Variants in TPRA1 observed in about 807,000 individuals in gnomAD.
TPRA1 encodes the protein transmembrane protein adipocyte-associated 1.
Under a neutral mutation model 40.1 loss-of-function variants are expected in TPRA1, and 28 were observed. The ratio of observed to expected loss-of-function variants is 0.70; its 90% confidence interval spans 0.52 to 0.96. The LOEUF (loss-of-function observed/expected upper bound fraction) is 0.96. Ranked by LOEUF, TPRA1 falls within the 40% of genes least tolerant of loss-of-function variation. The probability of loss-of-function intolerance (pLI) is 0.00; values close to 1 mark genes in which losing one functional copy is unlikely to be tolerated. For missense variants in TPRA1, 441 were observed against 482.6 expected, an observed-to-expected ratio of 0.91 and a Z score of 0.81; for synonymous variants, 219 against 209.7, an observed-to-expected ratio of 1.04 and a Z score of -0.38.
At chr3:127,594,822 G>C (rs2074226033), upstream of TPRA1, 1 of 152,344 alleles carries the variant, frequency 6.6e-6, no homozygotes, top group Non-Finnish European at 1.5e-5. Context: ...CGGTCGCATG[G>C]AGCCCTTGAG....
chr3:127,577,354 G>T (rs940674306), intron 3 of TPRA1, among the ~76,000 whole-genome samples: 30 of 152,212 alleles, frequency 2.0e-4, no homozygotes, highest in African/African-American at 7.2e-4. Context: ...TGGTGAGCAG[G>T]AGTGCGCATG....
intron 3 of TPRA1, among the ~76,000 whole-genome samples, chr3:127,578,579 G>A (rs1172959236): frequency 1.3e-5 from 2 of 152,220 alleles, no homozygotes; most frequent in East Asian, 1.9e-4. Flanking sequence ...CTAGCATACA[G>A]TAGGTGTTTA....
chr3:127,579,558 G>A (rs2073756906), intron 3 of TPRA1, among the ~76,000 whole-genome samples, 182 bp downstream of exon 3: 1 of 152,212 alleles, frequency 6.6e-6, no homozygotes, highest in Non-Finnish European at 1.5e-5. Context: ...GACACCATAT[G>A]AGGGGAACTC....
In TPRA1 at chr3:127,581,536, G is replaced by T. The variant is rs1024908497; in HGVS notation, c.-17-1373C>A. ...GTCAGATCCAGGTGGTGGGTACACA[G>T]GTGTGTTCACTGTGTGGTAATTCAT... On this transcript the variant is annotated intron_variant, in intron 1 of 10. Coordinates refer to ENST00000355552, the MANE Select transcript of TPRA1 (RefSeq NM_001136053.4). Among the ~76,000 whole-genome samples, 13 of 152,276 alleles carry T rather than the reference G, an allele frequency of 8.5e-5. No homozygotes were observed. The South Asian group carries it at 1.0e-3, about 12-fold the overall frequency.
At chr3:127,578,956 A>T (rs769175448) in intron 3 of TPRA1, among the ~76,000 whole-genome samples, 7 of 151,304 alleles carry the variant, frequency 4.6e-5, no homozygotes, top group Non-Finnish European at 8.9e-5. Context: ...AGCCCACACC[A>T]GGACAGCCCG....
At chr3:127,590,913 G>A (rs1249109418), upstream of TPRA1, 2 of 152,290 alleles carry the variant, frequency 1.3e-5, no homozygotes, top group East Asian at 3.8e-4. Context: ...AGGAGGTGCA[G>A]AGACAAGACG....
chr3:127,593,487 G>A (rs1289395308), upstream of TPRA1, among the ~76,000 whole-genome samples: 2 of 152,162 alleles, frequency 1.3e-5, no homozygotes, highest in Non-Finnish European at 2.9e-5. Flanking sequence ...CAAAATGCCT[G>A]CACTGGTTCC....
chr3:127,590,927 C>T (rs1035834078), upstream of TPRA1: 1 of 152,268 alleles, frequency 6.6e-6, no homozygotes, highest in Non-Finnish European at 1.5e-5. Context: ...CAAGACGCTG[C>T]TTCACGGAAG....
upstream of TPRA1, among the ~76,000 whole-genome samples, chr3:127,593,262 T>C (rs1169765682): frequency 6.6e-6 from 1 of 152,198 alleles, no homozygotes; most frequent in Non-Finnish European, 1.5e-5. Flanking sequence ...AGGTTCTTCA[T>C]CACCCTACAG....
chr3:127,592,379 T>TG (rs1323336388), upstream of TPRA1, among the ~76,000 whole-genome samples: 9 of 137,144 alleles, frequency 6.6e-5, no homozygotes, highest in East Asian at 2.1e-4. Flanking sequence ...TTTTTTTTTT[T>TG]TTTTTTTTTT....
chr3:127,573,432 C>G lies in TPRA1; in HGVS notation c.*89G>C, dbSNP rs113173548. 3.9e-3 allele frequency: 5,704 copies of G among 1,478,896 alleles called. 102 individuals are homozygous for G. The African/African-American group carries it at 0.044, about 11-fold the overall frequency. 91.6% of individuals were successfully genotyped at this position (1,478,896 alleles called of 1,614,324 possible). Reference sequence around the variant, plus strand: ...CCACACAGGGCTACTGCCCACAGAACGTCCCTTGACCTGGTCCTCCTCCCC... The same window carrying G: ...CCACACAGGGCTACTGCCCACAGAAGGTCCCTTGACCTGGTCCTCCTCCCC... On this transcript the variant is annotated 3_prime_UTR_variant, in exon 11 of 11. Transcript: ENST00000355552.
chr3:127,579,029 A>AC (rs2073741261), intron 3 of TPRA1, among the ~76,000 whole-genome samples: 6 of 151,404 alleles, frequency 4.0e-5, no homozygotes, highest in African/African-American at 1.5e-4. Flanking sequence ...CCCACACCTG[A>AC]AGCCCACACC....
Position 127,571,874 on chromosome 3 carries a change from CCT to C in TPRA1, c.*1645_*1646del, listed in dbSNP as rs1181972594. The C allele has an allele frequency of 6.6e-6, 1 of 151,250 alleles. No individual in the cohort carries two copies. Among genetic ancestry groups the C allele is most frequent in the African/African-American group, 2.4e-5 (1 of 41,414 alleles). The allele number at this position is 151,250 out of a possible 1,614,324, so 9.4% of individuals were successfully genotyped here. A position where few individuals can be genotyped will look rare whatever the true frequency, so the allele number is the denominator to read the frequency against. On this transcript the variant is annotated 3_prime_UTR_variant, in exon 11 of 11. Coordinates refer to ENST00000355552, the MANE Select transcript of TPRA1 (RefSeq NM_001136053.4). ...AATGGTCTCTTTTCTTCTGTTGATG[CCT>C]CTCTGCTCATTCACTGCAGCCAGCA...
At position 127,576,014 on chromosome 3, in the gene TPRA1, A is replaced by T; in HGVS notation, c.535T>A (p.Ser179Thr). Reference sequence around the variant, plus strand: ...CCATAGATATTAAAGTCCTCAGCTGAGAGATGGGCATCAGGGTACAGGATC... The same window carrying T: ...CCATAGATATTAAAGTCCTCAGCTGTGAGATGGGCATCAGGGTACAGGATC... ...LEILYPDAHL[S>T]AEDFNIYGHG... Residue 179 changes from serine to threonine, a missense_variant, in exon 7 of 11, where the codon TCA becomes ACA. Ser to Thr is a moderately conservative substitution (Grantham distance 58). Transcript: ENST00000355552. This position sits in a 1 kb window ranked among gnomAD's most constrained non-coding sequence, Gnocchi z 4.6. 1 of 1,614,014 alleles carries T rather than the reference A, an allele frequency of 6.2e-7. No individual in the cohort carries two copies. The highest frequency in any genetic ancestry group is 2.2e-5 in the East Asian group (1 of 44,860).
Position 127,580,988 on chromosome 3 carries a change from C to T in TPRA1, c.-17-825G>A, listed in dbSNP as rs536867504. On this transcript the variant is annotated intron_variant, in intron 1 of 10. Transcript: ENST00000355552. ...ACATGACACTCTGAGCATGAGAGGT[C>T]GAGTCTAGCCTGGAAGACAGGAGAG... Among the ~76,000 whole-genome samples, 5 of 152,142 alleles carry T rather than the reference C, an allele frequency of 3.3e-5. No homozygotes were observed. In the South Asian group the frequency reaches 8.3e-4, roughly 25 times the overall value.
chr3:127,577,564 G>A (rs1274992633), intron 3 of TPRA1, among the ~76,000 whole-genome samples: 1 of 152,146 alleles, frequency 6.6e-6, no homozygotes, highest in Non-Finnish European at 1.5e-5. Context: ...TGTTATTACC[G>A]TATTCATGGT....
intron 1 of TPRA1, among the ~76,000 whole-genome samples, chr3:127,596,902 G>A (rs1478136460): frequency 6.6e-6 from 1 of 152,182 alleles, no homozygotes; most frequent in Non-Finnish European, 1.5e-5. Context: ...GGATCCACTT[G>A]TCAGGAGTTG....
rs529606168 is a variant in TPRA1, at chr3:127,581,148, G to A, written c.-17-985C>T. On this transcript the variant is annotated intron_variant, in intron 1 of 10. Transcript: ENST00000355552. Reference sequence around the variant, plus strand: ...TCCGCAGGGAGTTCGGGGTGATCCAGGTGTGGCCTGGGGCACCAGAACGTA... The same window carrying A: ...TCCGCAGGGAGTTCGGGGTGATCCAAGTGTGGCCTGGGGCACCAGAACGTA... Among the ~76,000 whole-genome samples, 38 of 152,306 alleles carry A rather than the reference G, an allele frequency of 2.5e-4. 1 individual carries two copies. In the South Asian group the frequency reaches 2.9e-3, roughly 12 times the overall value.
At chr3:127,579,982 T>C in intron 2 of TPRA1, 40 bp downstream of exon 2, 1 of 1,610,690 alleles carries the variant, frequency 6.2e-7, no homozygotes, top group Non-Finnish European at 8.5e-7. Flanking sequence ...GAAAAGCCAC[T>C]GACACTCAGC....
Sources: gnomAD v4.1 joint callset for allele counts (sites outside exome capture counted in the v4.1 genomes callset) on GRCh38, gnomAD v4.1.1 for gene constraint, Gnocchi (gnomAD v3.1) non-coding constraint, MANE v1.5 for transcripts, NCBI Gene and HGNC (gene_info 2026-07-23, HGNC 2026-07-21) for gene names.